The following FCGR3A variants were observed in gnomAD, a reference collection of about 807,000 sequenced individuals.
FCGR3A encodes low affinity immunoglobulin gamma Fc region receptor III-A.
Under a neutral mutation model 24.1 loss-of-function variants are expected in FCGR3A, and 13 were observed. The ratio of observed to expected loss-of-function variants is 0.54; its 90% CI spans 0.35 to 0.86. The LOEUF (loss-of-function observed/expected upper bound fraction) is 0.86. FCGR3A is among the 40% of genes least tolerant of loss of function. The pLI is 0.01. For synonymous variants in FCGR3A, 93 were observed against 112.2 expected (o/e 0.83, Z 1.08); for missense variants, 235 against 298.0 (o/e 0.79, Z 1.56).
Position 161,549,798 on chromosome 1 carries a change from A to T in FCGR3A, c.-62T>A. On this transcript the variant is annotated 5_prime_UTR_variant, in exon 1 of 5. Coordinates refer to ENST00000443193, the MANE Select transcript of FCGR3A (RefSeq NM_000569.8). ...CCGGAGCCCTAAAGGGACCAAACCG[A>T]CTAGACAGGAGGAAGTAAACAGCCT... The T allele has an allele frequency of 6.2e-7, 1 of 1,613,858 alleles. No homozygotes were observed. The highest frequency in any genetic ancestry group is 2.2e-5 in the East Asian group (1 of 44,876).
chr1:161,543,260 A>C (rs567051200), intron 4 of FCGR3A, 61 bp from the exon 5 acceptor site: 1 of 1,570,190 alleles, frequency 6.4e-7, no homozygotes, highest in East Asian at 2.2e-5. Context: ...TATTTGGAAC[A>C]AACAGTGAGG....
intron 3 of FCGR3A, among the ~76,000 whole-genome samples, chr1:161,545,956 A>C (rs1485588074): frequency 1.3e-5 from 2 of 152,104 alleles, no homozygotes; most frequent in African/African-American, 4.8e-5. Flanking sequence ...AAGGAGTGGG[A>C]CTGAAGGACA....
intron 4 of FCGR3A, 95 bp from the exon 5 acceptor site, chr1:161,543,294 A>G: frequency 7.1e-7 from 1 of 1,417,246 alleles, no homozygotes; most frequent in South Asian, 1.3e-5. Context: ...GTCTTTGACA[A>G]CAGCCAACAG....
chr1:161,549,156 G>C (rs1360469786), intron 1 of FCGR3A, 125 bp from the exon 2 acceptor site: 7 of 788,520 alleles, frequency 8.9e-6, no homozygotes, highest in Non-Finnish European at 1.5e-5. Flanking sequence ...CAAGAATCAG[G>C]ATGTTTCTGG....
chr1:161,545,790 AAAT>A (rs1245282754), intron 3 of FCGR3A: 4 of 152,104 alleles, frequency 2.6e-5, no homozygotes, highest in Non-Finnish European at 5.9e-5. Flanking sequence ...AATAATTAAA[AAAT>A]AATGATGTTA....
chr1:161,550,732 C>T (rs1677740008), upstream of FCGR3A: 4 of 152,574 alleles, frequency 2.6e-5, no homozygotes, highest in Admixed American at 2.6e-4. Context: ...TGGTTACTCT[C>T]ACAATGGTCC....
chr1:161,544,582 A>G (rs1410261651), intron 4 of FCGR3A, 119 bp downstream of exon 4: 5 of 1,094,312 alleles, frequency 4.6e-6, no homozygotes, highest in Non-Finnish European at 6.6e-6. Flanking sequence ...CCAGGAGGGA[A>G]CCACATATGA....
At position 161,542,103 on chromosome 1, in the gene FCGR3A, C is replaced by T. The variant is rs1298385737; in HGVS notation, c.*909G>A. 6.6e-6 allele frequency: 1 copy of T among 152,320 alleles called. No homozygotes were observed. Among genetic ancestry groups the T allele is most frequent in the African/African-American group, 2.4e-5 (1 of 41,412 alleles). 9.4% of individuals were successfully genotyped at this position (152,320 alleles called of 1,614,324 possible). ...GGTGGTTTTACAGTCCCTGCATTAA[C>T]CTCTAATTCTTACTACCCTGGCCAA... is the stretch of plus-strand genomic sequence containing the variant. On this transcript the variant is annotated 3_prime_UTR_variant, in exon 5 of 5. Coordinates refer to ENST00000443193, the MANE Select transcript of FCGR3A (RefSeq NM_000569.8).
At chr1:161,548,872 G>A (rs1572023462) in intron 2 of FCGR3A, 139 bp downstream of exon 2, 2 of 1,115,246 alleles carry the variant, frequency 1.8e-6, no homozygotes, top group Non-Finnish European at 2.7e-6. Flanking sequence ...ACAGGGCCAA[G>A]TTCTGCTGTG....
intron 3 of FCGR3A, among the ~76,000 whole-genome samples, chr1:161,546,922 C>T (rs12724161): frequency 6.6e-6 from 1 of 151,776 alleles, no homozygotes; most frequent in East Asian, 1.9e-4. Context: ...AAAACAAAAA[C>T]AAACACAAAC....
At position 161,542,343 on chromosome 1, in the gene FCGR3A, G is replaced by C. The variant is rs577610686; in HGVS notation, c.*669C>G. On this transcript the variant is annotated 3_prime_UTR_variant, in exon 5 of 5. Coordinates refer to ENST00000443193, the MANE Select transcript of FCGR3A (RefSeq NM_000569.8). ...CATTTTCTACTCCTAGCATTAAGAGGACTCATCGTTATATACTTGGAGATG... is the reference window on the plus strand; with the variant it reads ...CATTTTCTACTCCTAGCATTAAGAGCACTCATCGTTATATACTTGGAGATG... 14 of 150,734 alleles carry C rather than the reference G, an allele frequency of 9.3e-5. No individual in the cohort carries two copies. Among genetic ancestry groups the C allele is most frequent in the South Asian group, 2.1e-4 (1 of 4,742 alleles). The allele number at this position is 150,734 out of a possible 1,614,324, so 9.3% of individuals were successfully genotyped here. A position where few individuals can be genotyped will look rare whatever the true frequency, so the allele number is the denominator to read the frequency against.
At position 161,543,054 on chromosome 1, in the gene FCGR3A, C is replaced by T. The variant is rs758293628; in HGVS notation, c.723G>A (p.Lys241=). The part of the protein sequence containing the change: ...TNIRSSTRDW[K]DHKFKWRKDP... ...CCTTTCTCCATTTAAATTTATGGTC[C>T]TTCCAGTCTCTTGTTGAGCTTCGAA... The change falls in exon 5 of 5, where the codon AAG becomes AAA. Residue 241 remains lysine (K), a synonymous_variant. Transcript: ENST00000443193. 1.4e-5 allele frequency: 22 copies of T among 1,612,900 alleles called. No individual in the cohort carries two copies. The highest frequency in any genetic ancestry group is 1.9e-5 in the Non-Finnish European group (22 of 1,179,424).
intron 3 of FCGR3A, among the ~76,000 whole-genome samples, chr1:161,547,583 T>G (rs1210999020): frequency 6.6e-6 from 1 of 152,240 alleles, no homozygotes; most frequent in African/African-American, 2.4e-5. Flanking sequence ...TGAACATGTA[T>G]CTGCCTCTAT....
At position 161,549,078 on chromosome 1, in the gene FCGR3A, G is replaced by A. The variant is rs768302045; in HGVS notation, c.41-47C>T. On this transcript the variant is annotated intron_variant, in intron 1 of 4. Coordinates refer to ENST00000443193, the MANE Select transcript of FCGR3A (RefSeq NM_000569.8). Reference sequence around the variant, plus strand: ...AAATATTGAGTAGGGGCAGAGATCAGAGTGATTAGAACATAGAGTGAGTTT... The same window carrying A: ...AAATATTGAGTAGGGGCAGAGATCAAAGTGATTAGAACATAGAGTGAGTTT... The A allele has an allele frequency of 6.5e-6, 10 of 1,530,258 alleles. No homozygotes were observed. In the East Asian group the frequency reaches 1.6e-4, roughly 24 times the overall value. 94.8% of individuals were successfully genotyped at this position (1,530,258 alleles called of 1,614,324 possible). A position where few individuals can be genotyped will look rare whatever the true frequency, so the allele number is the denominator to read the frequency against.
chr1:161,547,588 C>T (rs571950842), intron 3 of FCGR3A, among the ~76,000 whole-genome samples: 93 of 152,304 alleles, frequency 6.1e-4, no homozygotes, highest in Non-Finnish European at 9.8e-4. Context: ...ATGTATCTGC[C>T]TCTATTGGAA....
At chr1:161,546,493 C>A (rs1677401227) in intron 3 of FCGR3A, among the ~76,000 whole-genome samples, 1 of 151,966 alleles carries the variant, frequency 6.6e-6, no homozygotes. Context: ...ACAGTCTAGA[C>A]ATAGAAACAT....
chr1:161,547,824 C>T (rs1348776417), intron 3 of FCGR3A, among the ~76,000 whole-genome samples: 3 of 152,304 alleles, frequency 2.0e-5, no homozygotes, highest in African/African-American at 7.2e-5. Flanking sequence ...AGTCCCAGCA[C>T]TTTGGGAAGC....
Position 161,541,814 on chromosome 1 carries a change from A to C in FCGR3A, c.*1198T>G, listed in dbSNP as rs961528547. 2 of 152,238 alleles carry C rather than the reference A, an allele frequency of 1.3e-5. No individual in the cohort carries two copies. The highest frequency in any genetic ancestry group is 4.8e-5 in the African/African-American group (2 of 41,388). 9.4% of individuals were successfully genotyped at this position (152,238 alleles called of 1,614,324 possible). Reference sequence around the variant, plus strand: ...TTCCCATCTTCTATCTAAGAGTAGCATGCAAGATCTTGTAAAATGCTTTAT... The same window carrying C: ...TTCCCATCTTCTATCTAAGAGTAGCCTGCAAGATCTTGTAAAATGCTTTAT... On this transcript the variant is annotated 3_prime_UTR_variant, in exon 5 of 5. Transcript: ENST00000443193.
chr1:161,544,029 G>C (rs1250727793), intron 4 of FCGR3A, among the ~76,000 whole-genome samples: 1 of 152,296 alleles, frequency 6.6e-6, no homozygotes, highest in Non-Finnish European at 1.5e-5. Flanking sequence ...TGTGACCTTA[G>C]GGAAACTTAT....
Sources: allele counts gnomAD v4.1 joint callset (sites outside exome capture counted in the v4.1 genomes callset), GRCh38; gene constraint gnomAD v4.1.1; transcripts MANE v1.5; gene names NCBI Gene and HGNC (gene_info 2026-07-23, HGNC 2026-07-21).